The following NTNG1 variants were observed in gnomAD, a reference collection of about 807,000 sequenced individuals.
NTNG1 encodes the protein netrin-G1.
In NTNG1, 16 loss-of-function variants were observed where a neutral mutation model predicts 54.0. The observed-to-expected ratio is 0.30, with a 90% CI of 0.20 to 0.45. NTNG1 has a LOEUF of 0.45. NTNG1 is among the 20% of genes least tolerant of loss of function. NTNG1 has a pLI of 1.00. For missense variants in NTNG1, 530 were observed against 678.7 expected, an observed-to-expected ratio of 0.78 and a Z score of 2.43; for synonymous variants, 255 against 263.1, an observed-to-expected ratio of 0.97 and a Z score of 0.30.
chr1:107,169,659 G>A (rs1018193355), intron 2 of NTNG1, among the ~76,000 whole-genome samples: 8 of 152,068 alleles, frequency 5.3e-5, no homozygotes, highest in African/African-American at 2.4e-5. Context: ...AAATGGTAAG[G>A]TGTATATTTA....
At chr1:107,464,290 T>C (rs1173884868) in intron 7 of NTNG1, among the ~76,000 whole-genome samples, 1 of 152,178 alleles carries the variant, frequency 6.6e-6, no homozygotes. Flanking sequence ...TTGACAAGCC[T>C]AAAGATGGAT....
chr1:107,426,888 T>C (rs1228212189), intron 5 of NTNG1, among the ~76,000 whole-genome samples: 1 of 152,114 alleles, frequency 6.6e-6, no homozygotes, highest in African/African-American at 2.4e-5. Flanking sequence ...CTTGTAGAGA[T>C]GTTTCATCTC....
chr1:107,345,966 C>T (rs1476879318), intron 3 of NTNG1, among the ~76,000 whole-genome samples: 3 of 151,946 alleles, frequency 2.0e-5, no homozygotes, highest in African/African-American at 7.3e-5. Context: ...TCCTTCAGGC[C>T]CTAATGTATC....
At chr1:107,226,664 C>A (rs149771375) in intron 2 of NTNG1, among the ~76,000 whole-genome samples, 95 of 152,214 alleles carry the variant, frequency 6.2e-4, no homozygotes, top group African/African-American at 1.9e-3. Context: ...CAAACAATAT[C>A]TCTTTGACTG....
At chr1:107,382,939 T>C (rs1272758428) in intron 3 of NTNG1, among the ~76,000 whole-genome samples, 3 of 152,152 alleles carry the variant, frequency 2.0e-5, no homozygotes, top group Non-Finnish European at 4.4e-5. Flanking sequence ...AAGGGAGAAT[T>C]AGAAGAAAGC....
intron 4 of NTNG1, among the ~76,000 whole-genome samples, chr1:107,400,930 GTGA>G (rs1367674832): frequency 1.3e-5 from 2 of 152,176 alleles, no homozygotes; most frequent in Non-Finnish European, 2.9e-5. Flanking sequence ...GATTACAGGT[GTGA>G]GCCACCACGC....
chr1:107,220,784 A>G (rs1660288583), intron 2 of NTNG1, among the ~76,000 whole-genome samples: 1 of 152,212 alleles, frequency 6.6e-6, no homozygotes, highest in Admixed American at 6.5e-5. Flanking sequence ...AGTTATTTTA[A>G]TAACAGTCTT....
intron 7 of NTNG1, among the ~76,000 whole-genome samples, chr1:107,446,986 A>G (rs1676344889): frequency 6.6e-6 from 1 of 152,114 alleles, no homozygotes; most frequent in African/African-American, 2.4e-5. Context: ...CTGGATGCTC[A>G]TTTTTAAACA....
intron 2 of NTNG1, among the ~76,000 whole-genome samples, chr1:107,175,655 T>C (rs1334488686): frequency 6.6e-6 from 1 of 152,144 alleles, no homozygotes; most frequent in South Asian, 2.1e-4. Flanking sequence ...AGATGTCTTA[T>C]ATGAAAAGCT....
intron 1 of NTNG1, among the ~76,000 whole-genome samples, chr1:107,141,753 C>T (rs1310849146): frequency 6.6e-6 from 1 of 152,188 alleles, no homozygotes; most frequent in Admixed American, 6.5e-5. Context: ...GGCGTGGGGT[C>T]TGAGCCTCCA....
intron 1 of NTNG1, chr1:107,141,366 C>A (rs1570688995): frequency 1.3e-5 from 2 of 149,858 alleles, no homozygotes. Flanking sequence ...CTGCTGCGGC[C>A]GCCGCCCGAG....
At chr1:107,386,421 G>A (rs1267017226) in intron 3 of NTNG1, among the ~76,000 whole-genome samples, 2 of 151,966 alleles carry the variant, frequency 1.3e-5, no homozygotes, top group African/African-American at 4.8e-5. Flanking sequence ...TGATCTGCCT[G>A]CCTCGGCCTC....
intron 7 of NTNG1, among the ~76,000 whole-genome samples, chr1:107,468,621 C>CA (rs1283671216): frequency 6.6e-6 from 1 of 152,200 alleles, no homozygotes; most frequent in Non-Finnish European, 1.5e-5. Context: ...GCTGTACTCC[C>CA]ACAAAGAACA....
chr1:107,459,753 T>A (rs1571007475), intron 7 of NTNG1, among the ~76,000 whole-genome samples: 1 of 152,280 alleles, frequency 6.6e-6, no homozygotes, highest in East Asian at 1.9e-4. Flanking sequence ...CACTTTAACC[T>A]AGAACGTTGC....
intron 2 of NTNG1, among the ~76,000 whole-genome samples, chr1:107,297,215 TC>T (rs1342287395): frequency 6.8e-5 from 1 of 14,768 alleles, no homozygotes; most frequent in African/African-American, 2.1e-4. Flanking sequence ...ATATATACCA[TC>T]ATATATATAT....
chr1:107,361,018 A>G (rs1239855062), intron 3 of NTNG1, among the ~76,000 whole-genome samples: 1 of 151,282 alleles, frequency 6.6e-6, no homozygotes, highest in Non-Finnish European at 1.5e-5. Flanking sequence ...ATTGTTTTAA[A>G]GAAGAATCAG....
intron 7 of NTNG1, among the ~76,000 whole-genome samples, chr1:107,473,848 C>T (rs1472382318): frequency 6.6e-6 from 1 of 152,200 alleles, no homozygotes; most frequent in Non-Finnish European, 1.5e-5. Flanking sequence ...GGTTTCCACA[C>T]TTCATCTTTT....
intron 3 of NTNG1, among the ~76,000 whole-genome samples, chr1:107,373,048 C>T (rs1671023181): frequency 6.6e-6 from 1 of 151,902 alleles, no homozygotes; most frequent in Non-Finnish European, 1.5e-5. Flanking sequence ...AATATCTATC[C>T]TAATTATAGT....
chr1:107,358,565 G>C (rs1319010303), intron 3 of NTNG1, among the ~76,000 whole-genome samples: 2 of 151,696 alleles, frequency 1.3e-5, no homozygotes, highest in Non-Finnish European at 2.9e-5. Flanking sequence ...CTAATACAGA[G>C]CACTGACCTA....
Sources: allele counts gnomAD v4.1 joint callset (sites outside exome capture counted in the v4.1 genomes callset), GRCh38; gene constraint gnomAD v4.1.1; transcripts MANE v1.5; gene names NCBI Gene and HGNC (gene_info 2026-07-23, HGNC 2026-07-21).